SLC39A11: variants seen among roughly 807,000 people sequenced by gnomAD.
SLC39A11 encodes zinc transporter ZIP11.
Under a neutral mutation model 36.1 loss-of-function variants are expected in SLC39A11, and 33 were observed. The ratio of observed to expected loss-of-function variants is 0.91; its 90% CI spans 0.69 to 1.22. The LOEUF is 1.22. Ranked by LOEUF, SLC39A11 falls within the 50% of genes most tolerant of loss-of-function variation. The pLI, the probability that SLC39A11 is intolerant of heterozygous loss-of-function variation, is 0.00. For missense variants in SLC39A11, 432 were observed against 430.3 expected, an observed-to-expected ratio of 1.00 and a Z score of -0.03; for synonymous variants, 166 against 170.3, an observed-to-expected ratio of 0.97 and a Z score of 0.20.
At chr17:72,939,948 C>T (rs111796557) in intron 5 of SLC39A11, among the ~76,000 whole-genome samples, 31 of 152,236 alleles carry the variant, frequency 2.0e-4, no homozygotes, top group African/African-American at 7.2e-4. Flanking sequence ...ATGTGAAATC[C>T]AAAATGTTCC....
intron 4 of SLC39A11, among the ~76,000 whole-genome samples, chr17:73,014,785 T>G (rs2090718029): frequency 1.3e-5 from 2 of 152,184 alleles, no homozygotes; most frequent in African/African-American, 4.8e-5. Context: ...TGGCTGCACG[T>G]TTCTCTTGCC....
intron 7 of SLC39A11, among the ~76,000 whole-genome samples, chr17:72,691,912 G>GAGGAATC (rs2072045841): frequency 6.6e-6 from 1 of 152,128 alleles, no homozygotes; most frequent in Admixed American, 6.5e-5. Flanking sequence ...CTCTGTCCTT[G>GAGGAATC]AGGAATCAGG....
At chr17:72,889,799 T>G (rs767631278) in intron 5 of SLC39A11, among the ~76,000 whole-genome samples, 3 of 152,234 alleles carry the variant, frequency 2.0e-5, no homozygotes, top group Non-Finnish European at 4.4e-5. Flanking sequence ...AATAGTTTTT[T>G]CATTGTTTGT....
intron 3 of SLC39A11, among the ~76,000 whole-genome samples, chr17:73,069,781 T>G (rs1321849009): frequency 6.6e-6 from 1 of 152,228 alleles, no homozygotes; most frequent in Non-Finnish European, 1.5e-5. Context: ...TAAGTGCTTT[T>G]TCATGTGGTT....
At chr17:72,818,428 G>T (rs975592531) in intron 6 of SLC39A11, among the ~76,000 whole-genome samples, 1 of 152,158 alleles carries the variant, frequency 6.6e-6, no homozygotes, top group South Asian at 2.1e-4. Flanking sequence ...AGCTTGTTCC[G>T]AGAGGAATGA....
At chr17:73,022,003 G>A (rs1375630033) in intron 4 of SLC39A11, among the ~76,000 whole-genome samples, 4 of 152,196 alleles carry the variant, frequency 2.6e-5, no homozygotes, top group South Asian at 2.1e-4. Flanking sequence ...AATATATATC[G>A]ACAACAGAGG....
chr17:72,980,182 G>A (rs986396837), intron 4 of SLC39A11, among the ~76,000 whole-genome samples: 3 of 152,070 alleles, frequency 2.0e-5, no homozygotes, highest in African/African-American at 4.8e-5. Flanking sequence ...ACAAAAAAAG[G>A]TATTTTGTTT....
chr17:72,732,035 C>CTTTT (rs1838992557), intron 7 of SLC39A11, among the ~76,000 whole-genome samples: 2 of 43,304 alleles, frequency 4.6e-5, no homozygotes, highest in Non-Finnish European at 1.1e-4. Flanking sequence ...TTTTTCTTTT[C>CTTTT]TTTTCTTTTT....
At chr17:72,793,586 C>G (rs1568102613) in intron 6 of SLC39A11, among the ~76,000 whole-genome samples, 4 of 152,018 alleles carry the variant, frequency 2.6e-5, no homozygotes, top group Non-Finnish European at 4.4e-5. Flanking sequence ...GGAAATGCTT[C>G]TTTTTTTAAT....
chr17:72,650,633 G>T (rs1039254076), intron 7 of SLC39A11, among the ~76,000 whole-genome samples: 1 of 152,202 alleles, frequency 6.6e-6, no homozygotes, highest in Non-Finnish European at 1.5e-5. Context: ...TCTAAAGGGC[G>T]TGAGAAGAGG....
intron 7 of SLC39A11, among the ~76,000 whole-genome samples, chr17:72,700,858 T>A (rs144987152): frequency 6.6e-6 from 1 of 152,310 alleles, no homozygotes; most frequent in African/African-American, 2.4e-5. Context: ...ACTTATCCAC[T>A]ACCATGAGAA....
chr17:72,837,360 C>CAAAAAA (rs34639176), intron 6 of SLC39A11, among the ~76,000 whole-genome samples: 1 of 91,128 alleles, frequency 1.1e-5, no homozygotes, highest in African/African-American at 3.9e-5. Flanking sequence ...GTATATTGCT[C>CAAAAAA]AAAAAAAAAA....
At chr17:73,060,388 A>G (rs931434932) in intron 3 of SLC39A11, among the ~76,000 whole-genome samples, 1 of 152,116 alleles carries the variant, frequency 6.6e-6, no homozygotes, top group African/African-American at 2.4e-5. Flanking sequence ...ATAACTATAG[A>G]AAACTATTAA....
At chr17:72,848,883 G>A (rs1036924354) in intron 6 of SLC39A11, among the ~76,000 whole-genome samples, 4 of 152,264 alleles carry the variant, frequency 2.6e-5, no homozygotes, top group African/African-American at 7.2e-5. Flanking sequence ...CAATGCAGAC[G>A]TTAGGAATGC....
chr17:72,712,065 C>A (rs1273113953), intron 7 of SLC39A11, among the ~76,000 whole-genome samples: 1 of 152,334 alleles, frequency 6.6e-6, no homozygotes, highest in East Asian at 1.9e-4. Context: ...GGTCTGCTGG[C>A]AGAGGTGGGA....
rs386386576 is a variant in SLC39A11, at chr17:72,985,407, C to CTTT, written c.307-37535_307-37533dup. Among the ~76,000 whole-genome samples the CTTT allele has an allele frequency of 2.0e-3, 154 of 78,926 alleles. 11 individuals carry two copies. Among genetic ancestry groups the CTTT allele is most frequent in the South Asian group, 8.9e-3 (15 of 1,686 alleles). 51.8% of individuals were successfully genotyped at this position (78,926 alleles called of 152,430 possible). A position where few individuals can be genotyped will look rare whatever the true frequency, so the allele number is the denominator to read the frequency against. On this transcript the variant is annotated intron_variant, in intron 4 of 9. Transcript: ENST00000255559. The stretch of plus-strand genomic sequence containing the variant: ...CCTTCTTTATTTGCATGGGGCCTGC[C>CTTT]TTTTTTTTTTTTTTTTTTTTTTTGA...
chr17:72,756,103 A>G (rs970043415), intron 6 of SLC39A11, among the ~76,000 whole-genome samples: 5 of 152,240 alleles, frequency 3.3e-5, no homozygotes, highest in African/African-American at 1.2e-4. Context: ...GTTGGTAGGA[A>G]TGAAAAATGG....
At chr17:72,693,153 C>T (rs2072110010) in intron 7 of SLC39A11, among the ~76,000 whole-genome samples, 1 of 152,208 alleles carries the variant, frequency 6.6e-6, no homozygotes. Flanking sequence ...AAGGCAGCCT[C>T]CAATCTAGGT....
intron 5 of SLC39A11, among the ~76,000 whole-genome samples, chr17:72,925,575 A>G (rs900325550): frequency 5.3e-5 from 8 of 152,112 alleles, no homozygotes; most frequent in African/African-American, 1.7e-4. Context: ...TCTATTCACA[A>G]TTATTCATGT....
Sources: allele counts gnomAD v4.1 joint callset (sites outside exome capture counted in the v4.1 genomes callset), GRCh38; gene constraint gnomAD v4.1.1; transcripts MANE v1.5; gene names NCBI Gene and HGNC (gene_info 2026-07-23, HGNC 2026-07-21).